GABBR2: variants seen among roughly 807,000 people sequenced by gnomAD.
GABBR2 encodes the protein gamma-aminobutyric acid type B receptor subunit 2, also known as G-protein coupled receptor 51.
GABBR2 carries 23 observed loss-of-function variants against 105.6 expected under a neutral mutation model. The ratio of observed to expected loss-of-function variants is 0.22; its 90% confidence interval spans 0.16 to 0.31. The LOEUF (loss-of-function observed/expected upper bound fraction) is 0.31. Among genes scored for constraint, GABBR2 ranks in the 10% least tolerant of loss-of-function variants. GABBR2 has a pLI of 1.00. For synonymous variants in GABBR2, 478 were observed against 499.7 expected (o/e 0.96, Z 0.58); for missense variants, 734 against 1,245.5 (o/e 0.59, Z 6.18).
chr9:98,459,607 T>C (rs1826388401), intron 6 of GABBR2, among the ~76,000 whole-genome samples: 2 of 152,202 alleles, frequency 1.3e-5, no homozygotes, highest in African/African-American at 4.8e-5. Flanking sequence ...TTACTTAAAA[T>C]ATTTGATAAT....
intron 13 of GABBR2, among the ~76,000 whole-genome samples, chr9:98,322,579 G>A (rs1830842318): frequency 6.7e-6 from 1 of 149,682 alleles, no homozygotes; most frequent in South Asian, 2.1e-4. Flanking sequence ...CCATGATCCT[G>A]GCTCCCATCC....
chr9:98,687,072 T>G (rs1830629075), intron 1 of GABBR2, among the ~76,000 whole-genome samples: 1 of 151,864 alleles, frequency 6.6e-6, no homozygotes, highest in African/African-American at 2.4e-5. Context: ...CTCTTGGCCC[T>G]CTCCTGCTGA....
At position 98,299,315 on chromosome 9, in the gene GABBR2, C is replaced by T. The variant is rs778142220; in HGVS notation, c.2451G>A (p.Gln817=). The part of the protein sequence containing the change: ...KDLEEVTMQL[Q]DTPEKTTYIK... ...TGTAGGTGGTCTTTTCTGGTGTGTC[C>T]TGCAGCTGCATGGTGACCTCTTCCA... The change falls in exon 17 of 19, where the codon CAG becomes CAA. Residue 817 remains glutamine (Q), a synonymous_variant. Transcript: ENST00000259455. 1.2e-6 allele frequency: 2 copies of T among 1,613,694 alleles called. No individual in the cohort carries two copies. Among genetic ancestry groups the T allele is most frequent in the Non-Finnish European group, 1.7e-6 (2 of 1,179,780 alleles).
intron 7 of GABBR2, among the ~76,000 whole-genome samples, chr9:98,416,769 T>C (rs1256905898): frequency 6.6e-6 from 1 of 152,246 alleles, no homozygotes; most frequent in Admixed American, 6.5e-5. Flanking sequence ...AGCTGTTTCT[T>C]TCTGCAGCTG....
intron 7 of GABBR2, among the ~76,000 whole-genome samples, chr9:98,433,284 T>A (rs1334118294): frequency 6.6e-6 from 1 of 152,220 alleles, no homozygotes; most frequent in Non-Finnish European, 1.5e-5. Flanking sequence ...TCCTGCATGC[T>A]TGAGAGAGAA....
intron 8 of GABBR2, among the ~76,000 whole-genome samples, chr9:98,402,085 A>C (rs1018281068): frequency 6.6e-6 from 1 of 151,976 alleles, no homozygotes; most frequent in Admixed American, 6.6e-5. Context: ...AAAATATAAA[A>C]CTCCAAAGCC....
intron 1 of GABBR2, among the ~76,000 whole-genome samples, chr9:98,602,658 A>C (rs73502480): frequency 0.1 from 15,407 of 152,152 alleles, 2,173 homozygotes; most frequent in African/African-American, 0.32. Context: ...AATAATCCTA[A>C]AACAAACCTG....
intron 6 of GABBR2, among the ~76,000 whole-genome samples, chr9:98,459,579 G>T (rs972423759): frequency 1.3e-5 from 2 of 152,194 alleles, no homozygotes; most frequent in African/African-American, 4.8e-5. Flanking sequence ...AGTGAGCCTG[G>T]TATTAAGACT....
chr9:98,327,675 C>A (rs1224933877), intron 13 of GABBR2, among the ~76,000 whole-genome samples: 1 of 151,890 alleles, frequency 6.6e-6, no homozygotes, highest in African/African-American at 2.4e-5. Flanking sequence ...TTGAGACCAG[C>A]CTGGTCAACA....
chr9:98,331,664 T>C (rs78607941), intron 13 of GABBR2, among the ~76,000 whole-genome samples: 3,236 of 152,222 alleles, frequency 0.021, 125 homozygotes, highest in African/African-American at 0.074. Context: ...CGTGTCTCTC[T>C]AGTGGCTCTA....
chr9:98,448,430 T>C (rs563697237), intron 7 of GABBR2, among the ~76,000 whole-genome samples: 1 of 152,324 alleles, frequency 6.6e-6, no homozygotes, highest in East Asian at 1.9e-4. Flanking sequence ...TCTATTAATT[T>C]ATTTTATTTC....
intron 1 of GABBR2, among the ~76,000 whole-genome samples, chr9:98,691,863 A>C (rs1271402535): frequency 1.3e-5 from 2 of 152,114 alleles, no homozygotes; most frequent in Admixed American, 1.3e-4. Context: ...TGAGAATTCA[A>C]TTCACCACCT....
rs138632862 is a variant in GABBR2 at position 98,346,559 on chromosome 9, C to A, written c.1893+16156G>T. 3.4e-4 allele frequency among the ~76,000 whole-genome samples: 52 copies of A among 152,256 alleles called. 1 individual carries two copies. In the East Asian group the frequency reaches 7.9e-3, roughly 23 times the overall value. ...CATTCCTATCACCTTGAACATTTATCATTTCTTTATATTGTGAACATTCAA... is the reference window on the plus strand; with the variant it reads ...CATTCCTATCACCTTGAACATTTATAATTTCTTTATATTGTGAACATTCAA... On this transcript the variant is annotated intron_variant, in intron 13 of 18. Transcript: ENST00000259455.
intron 1 of GABBR2, among the ~76,000 whole-genome samples, chr9:98,627,928 A>G (rs1326755405): frequency 2.6e-5 from 4 of 152,232 alleles, no homozygotes; most frequent in African/African-American, 4.8e-5. Flanking sequence ...GGCGTGTTCA[A>G]TTGGGCCTGA....
chr9:98,305,452 G>A (rs4743197), intron 15 of GABBR2, among the ~76,000 whole-genome samples: 25,557 of 152,200 alleles, frequency 0.17, 2,238 homozygotes, highest in Middle Eastern at 0.22. Flanking sequence ...ATGAATGTGG[G>A]AAAATACAAA....
chr9:98,434,299 C>G (rs1199334836), intron 7 of GABBR2, among the ~76,000 whole-genome samples: 1 of 152,130 alleles, frequency 6.6e-6, no homozygotes, highest in Non-Finnish European at 1.5e-5. Context: ...TGAGTCAATA[C>G]TTCTTAATAA....
At chr9:98,556,566 G>T (rs1828587019) in intron 2 of GABBR2, among the ~76,000 whole-genome samples, 1 of 152,134 alleles carries the variant, frequency 6.6e-6, no homozygotes, top group Admixed American at 6.6e-5. Flanking sequence ...AGTGGCTGGG[G>T]CGGGGCTGGG....
chr9:98,462,312 T>C lies in GABBR2; in HGVS notation c.1000-8095A>G, dbSNP rs538295258. 2.6e-5 allele frequency among the ~76,000 whole-genome samples: 4 copies of C among 152,298 alleles called. No individual in the cohort carries two copies. The South Asian group carries it at 8.3e-4, about 32-fold the overall frequency. Reference sequence around the variant, plus strand: ...AAGAAGACTAATACATTGGATTACATTAAGATTAGGAATATCTATTCATCA... The same window carrying C: ...AAGAAGACTAATACATTGGATTACACTAAGATTAGGAATATCTATTCATCA... On this transcript the variant is annotated intron_variant, in intron 6 of 18. Coordinates refer to ENST00000259455, the MANE Select transcript of GABBR2 (RefSeq NM_005458.8).
At chr9:98,610,484 CT>C (rs1829490406) in intron 1 of GABBR2, among the ~76,000 whole-genome samples, 1 of 152,172 alleles carries the variant, frequency 6.6e-6, no homozygotes, top group Admixed American at 6.5e-5. Flanking sequence ...GGAATATTAC[CT>C]TACATGGCAA....
Sources: gnomAD v4.1 joint callset for allele counts (sites outside exome capture counted in the v4.1 genomes callset) on GRCh38, gnomAD v4.1.1 for gene constraint, MANE v1.5 for transcripts, NCBI Gene and HGNC (gene_info 2026-07-23, HGNC 2026-07-21) for gene names.